Variants in TCF4 observed in about 807,000 individuals in gnomAD.
TCF4 encodes transcription factor 4, also known as SL3-3 enhancer factor 2.
Under a neutral mutation model 82.1 loss-of-function variants are expected in TCF4, and 3 were observed. The ratio of observed to expected loss-of-function variants is 0.04; its 90% confidence interval spans 0.02 to 0.09. The LOEUF is 0.09. Ranked by LOEUF, TCF4 falls within the 10% of genes least tolerant of loss-of-function variation. The pLI is 1.00. For synonymous variants in TCF4, 276 were observed against 309.6 expected, an observed-to-expected ratio of 0.89 and a Z score of 1.14; for missense variants, 518 against 852.7, an observed-to-expected ratio of 0.61 and a Z score of 4.89.
At chr18:55,431,405 G>A (rs545892487) in intron 5 of TCF4, among the ~76,000 whole-genome samples, 6 of 152,160 alleles carry the variant, frequency 3.9e-5, no homozygotes, top group Non-Finnish European at 7.4e-5. Flanking sequence ...TCAGCCTCCC[G>A]AGTAGCTGGG....
At chr18:55,384,797 C>T (rs2145955059) in intron 6 of TCF4, among the ~76,000 whole-genome samples, 1 of 152,178 alleles carries the variant, frequency 6.6e-6, no homozygotes, top group East Asian at 1.9e-4. Context: ...TTCACAAGTA[C>T]CTCAATATTG....
At chr18:55,381,244 C>T (rs1051481203) in intron 6 of TCF4, among the ~76,000 whole-genome samples, 24 of 152,126 alleles carry the variant, frequency 1.6e-4, no homozygotes, top group Admixed American at 2.0e-4. Flanking sequence ...TTCACATTAA[C>T]GAGCTTAAAG....
chr18:55,512,076 A>G (rs1229428542), intron 3 of TCF4, among the ~76,000 whole-genome samples: 1 of 152,158 alleles, frequency 6.6e-6, no homozygotes, highest in Non-Finnish European at 1.5e-5. Flanking sequence ...ACCAGATACT[A>G]TGTCGACTAC....
chr18:55,277,006 C>G (rs560182547), intron 9 of TCF4, among the ~76,000 whole-genome samples: 3 of 152,122 alleles, frequency 2.0e-5, no homozygotes, highest in Non-Finnish European at 4.4e-5. Context: ...AGAGTTTTAA[C>G]TAGAAGATGG....
chr18:55,297,504 ACG>A (rs2066893552), intron 8 of TCF4, among the ~76,000 whole-genome samples: 1 of 152,120 alleles, frequency 6.6e-6, no homozygotes, highest in East Asian at 1.9e-4. Context: ...GCATTCTGTA[ACG>A]TGCTGTCAGG....
At chr18:55,510,331 A>G (rs2096812407) in intron 3 of TCF4, among the ~76,000 whole-genome samples, 1 of 152,178 alleles carries the variant, frequency 6.6e-6, no homozygotes, top group Non-Finnish European at 1.5e-5. Context: ...AGAGATAGCA[A>G]AAAAAAGTTA....
intron 6 of TCF4, chr18:55,401,050 T>C: frequency 7.8e-7 from 1 of 1,289,094 alleles, no homozygotes; most frequent in Non-Finnish European, 1.0e-6. Context: ...TATTTAGACT[T>C]GAAGCCCAAG....
intron 6 of TCF4, among the ~76,000 whole-genome samples, chr18:55,394,164 A>G (rs1022635383): frequency 6.6e-6 from 1 of 152,202 alleles, no homozygotes; most frequent in Non-Finnish European, 1.5e-5. Context: ...ACTGTATACA[A>G]TGCCAATAAA....
At chr18:55,337,194 T>C (rs2078841124) in intron 8 of TCF4, among the ~76,000 whole-genome samples, 1 of 152,204 alleles carries the variant, frequency 6.6e-6, no homozygotes, top group Admixed American at 6.5e-5. Flanking sequence ...TCTCGAACTC[T>C]TAAGAGATAC....
At chr18:55,530,945 C>T (rs2097055938) in intron 3 of TCF4, among the ~76,000 whole-genome samples, 1 of 151,496 alleles carries the variant, frequency 6.6e-6, no homozygotes, top group Non-Finnish European at 1.5e-5. Context: ...AGAGCATTTT[C>T]TTTTTGCATT....
At chr18:55,299,279 G>A (rs1202970923) in intron 8 of TCF4, among the ~76,000 whole-genome samples, 2 of 152,064 alleles carry the variant, frequency 1.3e-5, no homozygotes, top group Non-Finnish European at 2.9e-5. Flanking sequence ...AGGTGTGGTG[G>A]TGGACACCTG....
At chr18:55,418,293 T>G (rs2094593311) in intron 5 of TCF4, among the ~76,000 whole-genome samples, 2 of 152,164 alleles carry the variant, frequency 1.3e-5, no homozygotes, top group African/African-American at 4.8e-5. Context: ...AGCCTGTATA[T>G]ACTTTATAAG....
At chr18:55,358,477 T>C (rs1031344981) in intron 6 of TCF4, among the ~76,000 whole-genome samples, 1 of 152,182 alleles carries the variant, frequency 6.6e-6, no homozygotes, top group Non-Finnish European at 1.5e-5. Flanking sequence ...CAGGCACAGG[T>C]GCAGATCCTT....
chr18:55,446,302 C>G (rs1240969001), intron 5 of TCF4, among the ~76,000 whole-genome samples: 1 of 152,138 alleles, frequency 6.6e-6, no homozygotes, highest in African/African-American at 2.4e-5. Flanking sequence ...AGGCAACCTC[C>G]TGCCTCCAGA....
At chr18:55,368,516 A>C (rs1431109509) in intron 6 of TCF4, among the ~76,000 whole-genome samples, 1 of 152,198 alleles carries the variant, frequency 6.6e-6, no homozygotes. Flanking sequence ...CTTAAAAAAA[A>C]CAAAAAAACA....
Position 55,275,703 on chromosome 18 carries a change from C to T in TCF4, c.705G>A (p.Gln235=). Residue 235 remains glutamine (Q), a synonymous_variant, in exon 10 of 20, where the codon CAG becomes CAA. Coordinates refer to ENST00000354452, the MANE Select transcript of TCF4 (RefSeq NM_001083962.2). ...DPWSSSSGMN[Q]PGYAGMLGNS... ...TGCCCAACATTCCTGCATAGCCAGG[C>T]TGATTCATCCCACTGGAGGAGCTCC... 1 of 1,613,924 alleles carries T rather than the reference C, an allele frequency of 6.2e-7. No individual in the cohort carries two copies. The highest frequency in any genetic ancestry group is 8.5e-7 in the Non-Finnish European group (1 of 1,179,824).
intron 8 of TCF4, chr18:55,321,362 TA>T (rs879849444): frequency 0.042 from 12,167 of 290,058 alleles, 5 homozygotes; most frequent in Middle Eastern, 0.068. Flanking sequence ...CAAAACTCTT[TA>T]AAAAAAAAAA....
chr18:55,270,282 C>T (rs546740546), intron 10 of TCF4, among the ~76,000 whole-genome samples: 3 of 152,044 alleles, frequency 2.0e-5, no homozygotes, highest in Non-Finnish European at 4.4e-5. Context: ...TAAAAGACCA[C>T]TCTACTATTA....
At chr18:55,329,371 A>G (rs958800763) in intron 8 of TCF4, among the ~76,000 whole-genome samples, 1 of 152,216 alleles carries the variant, frequency 6.6e-6, no homozygotes, top group Non-Finnish European at 1.5e-5. Flanking sequence ...CACAGACACG[A>G]CCAGGAAGGA....
Sources: gnomAD v4.1 joint callset for allele counts (sites outside exome capture counted in the v4.1 genomes callset) on GRCh38, gnomAD v4.1.1 for gene constraint, MANE v1.5 for transcripts, NCBI Gene and HGNC (gene_info 2026-07-23, HGNC 2026-07-21) for gene names.